FGF14: variants seen among roughly 807,000 people sequenced by gnomAD.
The protein encoded by FGF14 is fibroblast growth factor 14, also known as fibroblast growth factor homologous factor 4.
A neutral mutation model predicts 25.5 loss-of-function variants in FGF14; 5 were observed. The observed-to-expected ratio is 0.20, with a 90% CI of 0.10 to 0.41. The LOEUF (loss-of-function observed/expected upper bound fraction) is 0.41, where lower values mean the gene tolerates loss of function less well. Among genes scored for constraint, FGF14 ranks in the 10% least tolerant of loss-of-function variants. FGF14 has a pLI of 1.00. For missense variants in FGF14, 222 were observed against 320.1 expected, an observed-to-expected ratio of 0.69 and a Z score of 2.34; for synonymous variants, 138 against 118.3, an observed-to-expected ratio of 1.17 and a Z score of -1.08.
At chr13:102,355,405 A>G (rs1020278911) in intron 1 of FGF14, among the ~76,000 whole-genome samples, 2 of 152,070 alleles carry the variant, frequency 1.3e-5, no homozygotes, top group African/African-American at 4.8e-5. Context: ...AGAATGAGTC[A>G]GTGAGATATG....
intron 1 of FGF14, among the ~76,000 whole-genome samples, chr13:102,355,480 T>A (rs1475591158): frequency 6.6e-6 from 1 of 151,438 alleles, no homozygotes; most frequent in East Asian, 1.9e-4. Context: ...CTTGGAAAGT[T>A]AAGTATGTGC....
chr13:102,326,087 T>A (rs921987883), intron 1 of FGF14, among the ~76,000 whole-genome samples: 2 of 152,214 alleles, frequency 1.3e-5, no homozygotes, highest in East Asian at 3.8e-4. Context: ...TGAATTCAGA[T>A]CACTATGAGT....
At chr13:102,030,246 C>A (rs1348039662) in intron 1 of FGF14, among the ~76,000 whole-genome samples, 1 of 152,032 alleles carries the variant, frequency 6.6e-6, no homozygotes, top group Non-Finnish European at 1.5e-5. Flanking sequence ...TTTGTAAAGT[C>A]TTCTTGGGTG....
At chr13:101,894,108 A>T (rs909466783) in intron 1 of FGF14, among the ~76,000 whole-genome samples, 2 of 151,794 alleles carry the variant, frequency 1.3e-5, no homozygotes, top group Non-Finnish European at 2.9e-5. Context: ...CTTCTTTTGC[A>T]TTTGGAATAG....
At chr13:102,220,821 C>T (rs1347490269) in intron 1 of FGF14, among the ~76,000 whole-genome samples, 5 of 152,140 alleles carry the variant, frequency 3.3e-5, no homozygotes, top group Non-Finnish European at 7.3e-5. Flanking sequence ...AACATCAGCC[C>T]GGCTGGCTCT....
chr13:101,809,106 T>C (rs1421288030), intron 3 of FGF14, among the ~76,000 whole-genome samples: 1 of 152,060 alleles, frequency 6.6e-6, no homozygotes, highest in Middle Eastern at 3.2e-3. Flanking sequence ...ATGTGTCCTA[T>C]ATTAAGAGTG....
chr13:102,379,034 A>C (rs1323908034), intron 1 of FGF14, among the ~76,000 whole-genome samples: 1 of 152,156 alleles, frequency 6.6e-6, no homozygotes, highest in African/African-American at 2.4e-5. Context: ...GGAGGACATA[A>C]AAGATTGAGC....
At chr13:102,014,786 T>A (rs190180709) in intron 1 of FGF14, among the ~76,000 whole-genome samples, 6 of 152,314 alleles carry the variant, frequency 3.9e-5, no homozygotes, top group Admixed American at 1.3e-4. Context: ...TTTTTTTATA[T>A]TAATCGCCAT....
chr13:102,143,381 T>C (rs1457303), intron 1 of FGF14, among the ~76,000 whole-genome samples: 53,377 of 151,996 alleles, frequency 0.35, 10,218 homozygotes, highest in East Asian at 0.85. Context: ...GCTATGTGCT[T>C]ATGTAATATA....
intron 1 of FGF14, among the ~76,000 whole-genome samples, chr13:102,093,258 A>C (rs7323826): frequency 0.39 from 58,988 of 151,868 alleles, 13,438 homozygotes; most frequent in Non-Finnish European, 0.51. Flanking sequence ...CTATTTGATG[A>C]TTTGCTACCA....
In FGF14 at chr13:102,086,392, TGGTGGCGGGCGC is replaced by T. The variant is rs778732547; in HGVS notation, c.209-211108_209-211097del. On this transcript the variant is annotated intron_variant, in intron 1 of 4. Coordinates refer to the FGF14 transcript ENST00000376131. ...AAAAATACAAAATATTAGCCGGGCG[TGGTGGCGGGCGC>T]ATGTAGTCCCAGCTACTCGGGAGGC... 2.0e-5 allele frequency among the ~76,000 whole-genome samples: 3 copies of T among 151,758 alleles called. No individual in the cohort carries two copies. In the East Asian group the frequency reaches 5.9e-4, roughly 30 times the overall value.
At chr13:102,230,437 T>C (rs887463977) in intron 1 of FGF14, among the ~76,000 whole-genome samples, 3 of 152,106 alleles carry the variant, frequency 2.0e-5, no homozygotes, top group Non-Finnish European at 4.4e-5. Context: ...AATTACAAAG[T>C]AAAATAAAAG....
chr13:102,260,759 A>G (rs1176127229), intron 1 of FGF14, among the ~76,000 whole-genome samples: 1 of 152,238 alleles, frequency 6.6e-6, no homozygotes, highest in African/African-American at 2.4e-5. Flanking sequence ...AACTTGCAGT[A>G]CACACCCAGT....
chr13:102,064,204 G>A lies in FGF14; in HGVS notation c.209-188908C>T, dbSNP rs568212761. Among the ~76,000 whole-genome samples the A allele has an allele frequency of 2.6e-5, 4 of 152,114 alleles. No individual in the cohort carries two copies. The East Asian group carries it at 7.8e-4, about 30-fold the overall frequency. Reference sequence around the variant, plus strand: ...AAGGTACCACCAGGCATAAAACTTGGACAGTATTTTCTGTCCCAGTTTTAT... The same window carrying A: ...AAGGTACCACCAGGCATAAAACTTGAACAGTATTTTCTGTCCCAGTTTTAT... On this transcript the variant is annotated intron_variant, in intron 1 of 4. Coordinates refer to the FGF14 transcript ENST00000376131.
At chr13:101,809,052 T>A (rs1215836272) in intron 3 of FGF14, among the ~76,000 whole-genome samples, 1 of 152,102 alleles carries the variant, frequency 6.6e-6, no homozygotes, top group African/African-American at 2.4e-5. Context: ...AGTTCTTGGC[T>A]TTTGATAAAT....
intron 1 of FGF14, among the ~76,000 whole-genome samples, chr13:102,109,777 G>T (rs552522051): frequency 1.6e-4 from 25 of 152,080 alleles, no homozygotes; most frequent in Non-Finnish European, 3.2e-4. Context: ...CTGCCACAAC[G>T]CCCAGGTAAT....
At chr13:101,856,585 C>T (rs982441435) in intron 3 of FGF14, among the ~76,000 whole-genome samples, 1 of 151,886 alleles carries the variant, frequency 6.6e-6, no homozygotes, top group Admixed American at 6.6e-5. Flanking sequence ...CATTATTTTA[C>T]CATTTAACAC....
At chr13:101,837,293 C>A (rs1024767167) in intron 3 of FGF14, among the ~76,000 whole-genome samples, 1 of 151,948 alleles carries the variant, frequency 6.6e-6, no homozygotes, top group African/African-American at 2.4e-5. Context: ...GTCCGATTTG[C>A]CACTTCTGGC....
At chr13:102,189,693 T>G (rs957462026) in intron 1 of FGF14, among the ~76,000 whole-genome samples, 2 of 152,142 alleles carry the variant, frequency 1.3e-5, no homozygotes, top group Admixed American at 1.3e-4. Flanking sequence ...TACCTGAGAC[T>G]GGGTAATGTA....
Sources: gnomAD v4.1 joint callset for allele counts (sites outside exome capture counted in the v4.1 genomes callset) on GRCh38, gnomAD v4.1.1 for gene constraint, MANE v1.5 for transcripts, NCBI Gene and HGNC (gene_info 2026-07-23, HGNC 2026-07-21) for gene names.